The following KLHL4 variants were observed in gnomAD, a reference collection of about 807,000 sequenced individuals.
The protein encoded by KLHL4 is kelch like family member 4, also known as kelch-like protein 4.
In KLHL4, 17 loss-of-function variants were observed where a neutral mutation model predicts 45.8. The observed-to-expected ratio is 0.37, with a 90% CI of 0.25 to 0.56. The LOEUF is 0.56. KLHL4 is among the 20% of genes least tolerant of loss of function. KLHL4 has a pLI of 0.79. For missense variants in KLHL4, 544 were observed against 544.9 expected (o/e 1.00, Z 0.02); for synonymous variants, 224 against 189.9 (o/e 1.18, Z -1.47).
intron 2 of KLHL4, 80 bp from the exon 3 acceptor site, chrX:87,614,354 C>T (rs929408249): frequency 6.1e-6 from 6 of 976,073 alleles, no homozygotes; most frequent in Non-Finnish European, 8.6e-6. Context: ...ACTAGTGTTA[C>T]AAACTTGCTG....
chrX:87,544,113 G>A (rs913592252), intron 1 of KLHL4, among the ~76,000 whole-genome samples: 1 of 110,810 alleles, frequency 9.0e-6, no homozygotes, highest in Non-Finnish European at 1.9e-5. Flanking sequence ...TGAGTCACAG[G>A]CCAGGGAGCA....
intron 1 of KLHL4, among the ~76,000 whole-genome samples, chrX:87,589,842 G>C (rs1012534184): frequency 3.9e-4 from 40 of 102,836 alleles, no homozygotes; most frequent in African/African-American, 1.4e-3. Context: ...ACAGCCTGAT[G>C]AACATGGAGA....
intron 1 of KLHL4, among the ~76,000 whole-genome samples, chrX:87,538,017 C>T (rs1356159445): frequency 3.6e-5 from 4 of 111,737 alleles, no homozygotes; most frequent in East Asian, 2.8e-4. Flanking sequence ...TTGAGAGTCT[C>T]ACTTCAGATC....
intron 9 of KLHL4, among the ~76,000 whole-genome samples, chrX:87,664,500 C>T (rs894018476): frequency 9.0e-6 from 1 of 111,534 alleles, no homozygotes; most frequent in Admixed American, 9.5e-5. Flanking sequence ...TGTGAAATTT[C>T]CTCAAAGTTT....
At chrX:87,553,027 A>C (rs1472301273) in intron 1 of KLHL4, among the ~76,000 whole-genome samples, 1 of 111,222 alleles carries the variant, frequency 9.0e-6, no homozygotes, top group Non-Finnish European at 1.9e-5. Flanking sequence ...TGATGTGCTT[A>C]TTTCACATTG....
intron 1 of KLHL4, among the ~76,000 whole-genome samples, chrX:87,543,565 C>T (rs755701878): frequency 4.5e-5 from 5 of 110,782 alleles, no homozygotes; most frequent in Non-Finnish European, 9.4e-5. Flanking sequence ...AGGGAGAACA[C>T]GGCAATTATA....
At chrX:87,660,075 T>G (rs1211204416) in intron 9 of KLHL4, among the ~76,000 whole-genome samples, 1 of 111,075 alleles carries the variant, frequency 9.0e-6, no homozygotes, top group East Asian at 2.8e-4. Context: ...TACAGTAGAC[T>G]TAAACTGTGT....
intron 1 of KLHL4, among the ~76,000 whole-genome samples, chrX:87,603,869 C>G (rs1277312734): frequency 2.7e-5 from 3 of 109,651 alleles, no homozygotes; most frequent in Admixed American, 9.8e-5. Flanking sequence ...TTTTAACCAC[C>G]CTCTCTCCAC....
At chrX:87,532,030 T>G (rs1318659531) in intron 1 of KLHL4, among the ~76,000 whole-genome samples, 2 of 109,331 alleles carry the variant, frequency 1.8e-5, no homozygotes, top group East Asian at 5.9e-4. Context: ...GCCAAGTCAA[T>G]CCTAAGCCAA....
chrX:87,636,597 C>T (rs1923271428), intron 9 of KLHL4, among the ~76,000 whole-genome samples: 1 of 111,316 alleles, frequency 9.0e-6, no homozygotes, highest in Admixed American at 9.6e-5. Flanking sequence ...TGCTCACTGG[C>T]TGCCTTGAAA....
intron 1 of KLHL4, among the ~76,000 whole-genome samples, chrX:87,552,707 A>T (rs1015562689): frequency 1.1e-5 from 1 of 93,330 alleles, no homozygotes; most frequent in South Asian, 5.0e-4. Context: ...ATATATATAT[A>T]TATATAACAT....
intron 9 of KLHL4, among the ~76,000 whole-genome samples, chrX:87,652,218 C>G (rs1187157767): frequency 8.9e-6 from 1 of 112,249 alleles, no homozygotes; most frequent in African/African-American, 3.2e-5. Flanking sequence ...CCTAGGCCTC[C>G]AGGCCTGTGA....
At chrX:87,583,428 G>A (rs751185278) in intron 1 of KLHL4, among the ~76,000 whole-genome samples, 2 of 112,006 alleles carry the variant, frequency 1.8e-5, no homozygotes, top group South Asian at 3.7e-4. Context: ...TTTAGGAAAG[G>A]AGAAGGAAGA....
At chrX:87,637,322 G>A (rs760296112) in intron 9 of KLHL4, among the ~76,000 whole-genome samples, 3 of 111,844 alleles carry the variant, frequency 2.7e-5, no homozygotes, top group Middle Eastern at 4.6e-3. Context: ...TAGGACAAAA[G>A]AATCTGAACA....
chrX:87,551,025 A>G (rs1931802663), intron 1 of KLHL4, among the ~76,000 whole-genome samples: 1 of 111,356 alleles, frequency 9.0e-6, no homozygotes, highest in African/African-American at 3.3e-5. Context: ...CAAGAGAAAG[A>G]AATAAAATGC....
intron 3 of KLHL4, 70 bp from the exon 4 acceptor site, chrX:87,617,862 T>A (rs1162566244): frequency 1.5e-5 from 14 of 904,477 alleles, no homozygotes; most frequent in African/African-American, 4.0e-5. Context: ...AAAAAAAAAA[T>A]GTCAACTAGT....
intron 1 of KLHL4, among the ~76,000 whole-genome samples, chrX:87,531,036 T>A (rs1346396569): frequency 8.9e-6 from 1 of 112,483 alleles, no homozygotes; most frequent in African/African-American, 3.2e-5. Flanking sequence ...GTGAGCATTT[T>A]TTCATGTGTC....
intron 1 of KLHL4, among the ~76,000 whole-genome samples, chrX:87,548,845 G>A (rs374922179): frequency 1.0e-4 from 8 of 80,089 alleles, no homozygotes; most frequent in East Asian, 4.2e-4. Flanking sequence ...AAGAAAGAAT[G>A]AAAAAAAAAA....
At chrX:87,640,827 A>G (rs754359572) in intron 9 of KLHL4, among the ~76,000 whole-genome samples, 1 of 111,764 alleles carries the variant, frequency 8.9e-6, no homozygotes, top group South Asian at 3.8e-4. Context: ...ATAGTATTGG[A>G]AGTCCTAGCC....
Sources: allele counts gnomAD v4.1 joint callset (sites outside exome capture counted in the v4.1 genomes callset), GRCh38; gene constraint gnomAD v4.1.1; transcripts MANE v1.5; gene names NCBI Gene and HGNC (gene_info 2026-07-23, HGNC 2026-07-21).